DLGAP2: variants seen among roughly 807,000 people sequenced by gnomAD.
DLGAP2 encodes DLG associated protein 2.
A neutral mutation model predicts 100.3 loss-of-function variants in DLGAP2; 26 were observed. That is an observed-to-expected ratio of 0.26 (90% CI 0.19 to 0.36). The LOEUF (loss-of-function observed/expected upper bound fraction) is 0.36. Among genes scored for constraint, DLGAP2 ranks in the 10% least tolerant of loss-of-function variants. The probability of loss-of-function intolerance (pLI) is 1.00; values close to 1 mark genes in which losing one functional copy is unlikely to be tolerated. For synonymous variants in DLGAP2, 886 were observed against 630.1 expected (o/e 1.41, Z -6.08); for missense variants, 1,858 against 1,453.2 (o/e 1.28, Z -4.53).
At chr8:1,207,376 A>C (rs1372374112) in intron 2 of DLGAP2, among the ~76,000 whole-genome samples, 1 of 152,192 alleles carries the variant, frequency 6.6e-6, no homozygotes, top group African/African-American at 2.4e-5. Context: ...AATGGTCTCC[A>C]ACTCCATCCA....
At chr8:1,383,068 T>G (rs1470216958) in intron 3 of DLGAP2, among the ~76,000 whole-genome samples, 1 of 152,242 alleles carries the variant, frequency 6.6e-6, no homozygotes, top group African/African-American at 2.4e-5. Flanking sequence ...GTAAGTATTC[T>G]CAGGTGGATG....
chr8:848,469 G>C (rs1260278221), intron 1 of DLGAP2, among the ~76,000 whole-genome samples: 26 of 9,784 alleles, frequency 2.7e-3, no homozygotes, highest in Non-Finnish European at 3.7e-3. Flanking sequence ...CGTGCGGTGC[G>C]TGTTCCAGTG....
At chr8:843,502 C>T (rs375177076) in intron 1 of DLGAP2, among the ~76,000 whole-genome samples, 1 of 152,194 alleles carries the variant, frequency 6.6e-6, no homozygotes, top group Non-Finnish European at 1.5e-5. Flanking sequence ...GAGTGGGCAC[C>T]ACGGCCTCTC....
chr8:1,330,878 G>A (rs901535215), intron 3 of DLGAP2, among the ~76,000 whole-genome samples: 33 of 146,252 alleles, frequency 2.3e-4, no homozygotes, highest in Admixed American at 2.7e-4. Context: ...TGGGAGCATC[G>A]CTTCACGGGG....
rs75638516 is a variant in DLGAP2, at chr8:1,384,716, A to G, written c.107-116650A>G. Among the ~76,000 whole-genome samples, 158 of 25,886 alleles carry G rather than the reference A, an allele frequency of 6.1e-3. 21 individuals carry two copies. Among genetic ancestry groups the G allele is most frequent in the East Asian group, 9.6e-3 (1 of 104 alleles). 17.0% of individuals were successfully genotyped at this position (25,886 alleles called of 152,430 possible). The stretch of plus-strand genomic sequence containing the variant: ...ACTTGGTGCACAGTTACCCCGGCCT[A>G]TGCCCATCCCCTGAGAACTTGGTGC... On this transcript the variant is annotated intron_variant, in intron 3 of 14. Coordinates refer to ENST00000637795, the MANE Select transcript of DLGAP2 (RefSeq NM_001346810.2).
intron 2 of DLGAP2, among the ~76,000 whole-genome samples, chr8:1,051,151 A>G (rs1163518292): frequency 6.6e-6 from 1 of 151,926 alleles, no homozygotes. Flanking sequence ...ACAGGGCACA[A>G]GGGGAGCAGC....
intron 4 of DLGAP2, among the ~76,000 whole-genome samples, chr8:1,521,702 AC>A (rs1800604266): frequency 5.6e-5 from 1 of 18,014 alleles, no homozygotes; most frequent in African/African-American, 1.3e-4. Context: ...TCTGGTTTGC[AC>A]ACTTGTTTTA....
chr8:1,470,656 C>G (rs1183156003), intron 3 of DLGAP2, among the ~76,000 whole-genome samples: 1 of 152,084 alleles, frequency 6.6e-6, no homozygotes, highest in East Asian at 1.9e-4. Flanking sequence ...ACTAATCTCT[C>G]GGCACAATCC....
At chr8:884,699 T>G (rs1214034336) in intron 1 of DLGAP2, among the ~76,000 whole-genome samples, 1 of 152,224 alleles carries the variant, frequency 6.6e-6, no homozygotes, top group East Asian at 1.9e-4. Flanking sequence ...CAATGAAGTC[T>G]TTGCCCTTGC....
chr8:1,482,406 C>G (rs534207771), intron 3 of DLGAP2, among the ~76,000 whole-genome samples: 3 of 152,354 alleles, frequency 2.0e-5, no homozygotes, highest in Middle Eastern at 3.4e-3. Context: ...GAAACATAGC[C>G]TAGCATTTGC....
In DLGAP2 at chr8:1,685,989, T is replaced by C. The variant is rs189463595; in HGVS notation, c.2705-5546T>C. ...GCACACTGCTGGTTGGAATATGAAGTAGCCACTATGGAAAGCAGTATAGAG... is the reference window on the plus strand; with the variant it reads ...GCACACTGCTGGTTGGAATATGAAGCAGCCACTATGGAAAGCAGTATAGAG... On this transcript the variant is annotated intron_variant, in intron 12 of 14. Coordinates refer to ENST00000637795, the MANE Select transcript of DLGAP2 (RefSeq NM_001346810.2). Among the ~76,000 whole-genome samples the C allele has an allele frequency of 1.4e-4, 22 of 152,284 alleles. No homozygotes were observed. The East Asian group carries it at 4.3e-3, about 30-fold the overall frequency.
At chr8:1,333,766 G>A (rs1424778793) in intron 3 of DLGAP2, among the ~76,000 whole-genome samples, 2 of 152,194 alleles carry the variant, frequency 1.3e-5, no homozygotes, top group Non-Finnish European at 2.9e-5. Context: ...AATTTTAATG[G>A]GGAACTTTCT....
At chr8:1,612,549 A>G in intron 6 of DLGAP2, among the ~76,000 whole-genome samples, 1 of 115,288 alleles carries the variant, frequency 8.7e-6, no homozygotes, top group Non-Finnish European at 1.8e-5. Context: ...ATGGGATCTA[A>G]TTAAACTAAA....
chr8:1,353,658 C>A (rs1056412053), intron 3 of DLGAP2, among the ~76,000 whole-genome samples: 15 of 151,946 alleles, frequency 9.9e-5, no homozygotes, highest in African/African-American at 3.6e-4. Context: ...AAAATAGAGG[C>A]AAATCTTAGA....
chr8:1,373,586 G>T (rs907974093), intron 3 of DLGAP2: 1 of 152,240 alleles, frequency 6.6e-6, no homozygotes, highest in African/African-American at 2.4e-5. Flanking sequence ...TTTCACCAGT[G>T]AGGTGGCCAC....
At chr8:1,207,754 A>G (rs538101328) in intron 2 of DLGAP2, among the ~76,000 whole-genome samples, 1 of 152,094 alleles carries the variant, frequency 6.6e-6, no homozygotes, top group Non-Finnish European at 1.5e-5. Context: ...AATTATGATC[A>G]TTGTTGCAGG....
At chr8:743,639 C>G (rs944403160) in intron 1 of DLGAP2, among the ~76,000 whole-genome samples, 3 of 152,238 alleles carry the variant, frequency 2.0e-5, no homozygotes, top group Non-Finnish European at 4.4e-5. Context: ...TCTCAGCTCA[C>G]TGCAGCCTTG....
At chr8:1,376,404 G>T (rs147817600) in intron 3 of DLGAP2, among the ~76,000 whole-genome samples, 2 of 152,236 alleles carry the variant, frequency 1.3e-5, no homozygotes, top group East Asian at 3.8e-4. Context: ...CTTGAAAAGC[G>T]CCCCGCTGCA....
intron 2 of DLGAP2, chr8:927,224 G>T (rs1798835728): frequency 1.0e-6 from 1 of 985,444 alleles, no homozygotes; most frequent in Non-Finnish European, 1.2e-6. Context: ...TATAGAACAT[G>T]ATCCATTATG....
Sources: gnomAD v4.1 joint callset for allele counts (sites outside exome capture counted in the v4.1 genomes callset) on GRCh38, gnomAD v4.1.1 for gene constraint, MANE v1.5 for transcripts, NCBI Gene and HGNC (gene_info 2026-07-23, HGNC 2026-07-21) for gene names.